The following MROH1 variants were observed in gnomAD, a reference collection of about 807,000 sequenced individuals.
MROH1 encodes the protein maestro heat-like repeat-containing protein family member 1.
A neutral mutation model predicts 116.5 loss-of-function variants in MROH1; 117 were observed. The observed-to-expected ratio is 1.00, with a 90% CI of 0.86 to 1.17. The LOEUF (loss-of-function observed/expected upper bound fraction) is 1.17, where lower values mean the gene tolerates loss of function less well. Among genes scored for constraint, MROH1 ranks in the 50% most tolerant of loss-of-function variants. The pLI is 0.00. For synonymous variants in MROH1, 921 were observed against 583.9 expected, an observed-to-expected ratio of 1.58 and a Z score of -8.32; for missense variants, 1,873 against 1,338.5, an observed-to-expected ratio of 1.40 and a Z score of -6.23.
chr8:144,256,372 C>T (rs1218498059), intron 35 of MROH1, among the ~76,000 whole-genome samples: 1 of 133,664 alleles, frequency 7.5e-6, no homozygotes, highest in Non-Finnish European at 1.7e-5. Flanking sequence ...CCAGGACACA[C>T]CAGGGGGACA....
chr8:144,232,983 C>T (rs1054039838), intron 14 of MROH1, among the ~76,000 whole-genome samples: 2 of 151,908 alleles, frequency 1.3e-5, no homozygotes, highest in Non-Finnish European at 2.9e-5. Context: ...GGCACCACCA[C>T]ACCTGGCTAA....
At chr8:144,235,082 G>C (rs1554824211) in intron 14 of MROH1, among the ~76,000 whole-genome samples, 3 of 151,770 alleles carry the variant, frequency 2.0e-5, no homozygotes, top group African/African-American at 7.3e-5. Context: ...TTTTAGTAGA[G>C]ACAGGGTTTC....
At position 144,197,417 on chromosome 8, in the gene MROH1, C is replaced by CTTTTTTTTTTTTTTTTT. The variant is rs79749774; in HGVS notation, c.949-1685_949-1669dup. Among the ~76,000 whole-genome samples, 3 of 42,500 alleles carry CTTTTTTTTTTTTTTTTT rather than the reference C, an allele frequency of 7.1e-5. 1 individual carries two copies. Among genetic ancestry groups the CTTTTTTTTTTTTTTTTT allele is most frequent in the African/African-American group, 1.3e-4 (1 of 7,674 alleles). 27.9% of individuals were successfully genotyped at this position (42,500 alleles called of 152,430 possible). On this transcript the variant is annotated intron_variant, in intron 10 of 43. Transcript: ENST00000326134. ...AAGAGTGGGCAGGAAGCTGCAGCATCTTTTTTTTTTTTTTTTTTTTTTTTT... is the reference window on the plus strand; with the variant it reads ...AAGAGTGGGCAGGAAGCTGCAGCATCTTTTTTTTTTTTTTTTTTTTTTTTTTTTTTTTTTTTTTTTTT...
intron 24 of MROH1, among the ~76,000 whole-genome samples, chr8:144,243,183 G>T (rs909407270): frequency 1.3e-5 from 2 of 152,250 alleles, no homozygotes; most frequent in Non-Finnish European, 2.9e-5. Flanking sequence ...GGGCGGGGCT[G>T]TTCTGAGAGG....
chr8:144,189,777 T>TGTGTG (rs1384835789), intron 7 of MROH1, among the ~76,000 whole-genome samples: 2 of 152,156 alleles, frequency 1.3e-5, no homozygotes, highest in Non-Finnish European at 2.9e-5. Flanking sequence ...TTGGGCAGAA[T>TGTGTG]GTGTGGCACA....
At chr8:144,201,737 G>A (rs1056791035) in intron 12 of MROH1, among the ~76,000 whole-genome samples, 9 of 152,164 alleles carry the variant, frequency 5.9e-5, no homozygotes, top group Admixed American at 1.3e-4. Context: ...AGGGCCGGCC[G>A]GGCAGTGGCT....
intron 26 of MROH1, 84 bp downstream of exon 26, chr8:144,244,026 GTGTGCA>G: frequency 1.4e-6 from 1 of 735,990 alleles, no homozygotes; most frequent in East Asian, 2.6e-5. Context: ...GTGTATGCGC[GTGTGCA>G]TGTGCGTGTG....
At chr8:144,226,896 T>G (rs953905783) in intron 14 of MROH1, among the ~76,000 whole-genome samples, 4 of 152,244 alleles carry the variant, frequency 2.6e-5, no homozygotes, top group African/African-American at 7.2e-5. Flanking sequence ...TTCCAATCCA[T>G]GAAAGCAGTA....
chr8:144,193,597 CATTTATTTATTTATTATTT>C (rs1829149061), intron 10 of MROH1, among the ~76,000 whole-genome samples: 1 of 151,950 alleles, frequency 6.6e-6, no homozygotes, highest in Non-Finnish European at 1.5e-5. Flanking sequence ...ATTATTTATT[CATTTATTTATTTATTATTT>C]ATTTATTTTG....
chr8:144,222,373 A>G (rs140013515), intron 13 of MROH1, among the ~76,000 whole-genome samples: 113 of 152,224 alleles, frequency 7.4e-4, no homozygotes, highest in African/African-American at 2.6e-3. Flanking sequence ...GGCAAAGGGA[A>G]CTGGAGGAGA....
intron 29 of MROH1, among the ~76,000 whole-genome samples, chr8:144,246,420 G>A (rs1435319360): frequency 3.9e-5 from 6 of 151,952 alleles, no homozygotes; most frequent in East Asian, 3.9e-4. Flanking sequence ...ATGAGCCACC[G>A]CGCCCTGCCG....
Position 144,183,679 on chromosome 8 carries a change from C to T in MROH1, c.562+3156C>T, listed in dbSNP as rs574001598. Among the ~76,000 whole-genome samples the T allele has an allele frequency of 2.6e-5, 4 of 151,738 alleles. No homozygotes were observed. In the South Asian group the frequency reaches 6.2e-4, roughly 24 times the overall value. On this transcript the variant is annotated intron_variant, in intron 7 of 43. Transcript: ENST00000326134. ...TCTTTTTTTTTGAGATGGAGTCTCG[C>T]TCTGTTGCCCAGGCTGGAGTGCAGT...
chr8:144,220,885 C>T (rs1311040328), intron 13 of MROH1, among the ~76,000 whole-genome samples: 1 of 152,214 alleles, frequency 6.6e-6, no homozygotes, highest in Non-Finnish European at 1.5e-5. Flanking sequence ...GGCCACCCTA[C>T]ACTGGCACCA....
chr8:144,234,915 C>T (rs1174442388), intron 14 of MROH1, among the ~76,000 whole-genome samples: 3 of 75,908 alleles, frequency 4.0e-5, no homozygotes, highest in East Asian at 8.5e-4. Flanking sequence ...TTTTTTGAGA[C>T]AGAGTTTCAC....
intron 1 of MROH1, among the ~76,000 whole-genome samples, chr8:144,157,677 CTTT>C (rs1164415639): frequency 5.1e-5 from 6 of 117,924 alleles, no homozygotes; most frequent in Admixed American, 8.6e-5. Flanking sequence ...TTCTTTCTTT[CTTT>C]TTTTTTTTTT....
chr8:144,222,810 C>A (rs1029982703), intron 13 of MROH1, among the ~76,000 whole-genome samples: 2 of 150,708 alleles, frequency 1.3e-5, no homozygotes, highest in African/African-American at 2.4e-5. Context: ...AGGCCCAGGC[C>A]CAGGTATGTG....
At position 144,180,004 on chromosome 8, in the gene MROH1, G is replaced by C. The variant is rs373122865; in HGVS notation, c.301-174G>C. On this transcript the variant is annotated intron_variant, in intron 5 of 43. Transcript: ENST00000326134. The surrounding 1 kb of genome is among the most constrained non-coding windows in gnomAD (Gnocchi z 7.4). ...CTCACCAGGGCTCTGCTGCTCCTGC[G>C]TGTGGGGTCTCCTCAGCAGCCCCTC... 3.0e-5 allele frequency among the ~76,000 whole-genome samples: 1 copy of C among 32,978 alleles called. No individual in the cohort carries two copies. Among genetic ancestry groups the C allele is most frequent in the African/African-American group, 5.2e-5 (1 of 19,296 alleles). The allele number at this position is 32,978 out of a possible 152,430, so 21.6% of individuals were successfully genotyped here.
At chr8:144,240,174 C>T in intron 19 of MROH1, 21 bp downstream of exon 19, 1 of 767,172 alleles carries the variant, frequency 1.3e-6, no homozygotes. Flanking sequence ...GGGTACGGCC[C>T]ATCCTGGGCC....
In MROH1 at chr8:144,259,916, G is replaced by A. The variant is rs1371494554; in HGVS notation, c.4050G>A (p.Leu1350=). The change falls in exon 38 of 44, where the codon CTG becomes CTA. Residue 1350 remains leucine (L), a synonymous_variant. Coordinates refer to ENST00000326134, the MANE Select transcript of MROH1 (RefSeq NM_032450.3). ...VTTTAFLAEL[L]NSNVANDLML... ...CACAGCACCTCTGCCTGCAGCTGCT[G>A]AACAGCAACGTGGCCAACGACCTCA... 1.4e-5 allele frequency: 10 copies of A among 737,248 alleles called. No individual in the cohort carries two copies. The African/African-American group carries it at 1.7e-4, about 13-fold the overall frequency. 45.7% of individuals were successfully genotyped at this position (737,248 alleles called of 1,614,324 possible). A position where few individuals can be genotyped will look rare whatever the true frequency, so the allele number is the denominator to read the frequency against.
Sources: gnomAD v4.1 joint callset for allele counts (sites outside exome capture counted in the v4.1 genomes callset) on GRCh38, gnomAD v4.1.1 for gene constraint, Gnocchi (gnomAD v3.1) non-coding constraint, MANE v1.5 for transcripts, NCBI Gene and HGNC (gene_info 2026-07-23, HGNC 2026-07-21) for gene names.